Variants in GALNT13 observed in about 807,000 individuals in gnomAD.
GALNT13 encodes the protein UDP-GalNAc:polypeptide N-acetylgalactosaminyltransferase 13.
A neutral mutation model predicts 64.2 loss-of-function variants in GALNT13; 28 were observed. The observed-to-expected ratio is 0.44, with a 90% CI of 0.32 to 0.60. The LOEUF is 0.60. GALNT13 is among the 20% of genes least tolerant of loss of function. The pLI, the probability that GALNT13 is intolerant of heterozygous loss-of-function variation, is 0.05. For missense variants in GALNT13, 577 were observed against 669.8 expected (o/e 0.86, Z 1.53); for synonymous variants, 214 against 224.6 (o/e 0.95, Z 0.42).
chr2:153,399,825 C>A, the GALNT13 span, among the ~76,000 whole-genome samples: 1 of 151,944 alleles, frequency 6.6e-6, no homozygotes, highest in Non-Finnish European at 1.5e-5. Flanking sequence ...AGATTTTGGG[C>A]TGAGACAATG....
chr2:153,561,641 C>CTGTGTGTGTGTGTG, the GALNT13 span, among the ~76,000 whole-genome samples: 4,475 of 146,524 alleles, frequency 0.031, 139 homozygotes, highest in African/African-American at 0.075. Context: ...GATGTTCAAC[C>CTGTGTGTGTGTGTG]TGTGTGTGTG....
chr2:153,502,160 T>C, the GALNT13 span, among the ~76,000 whole-genome samples: 2 of 152,272 alleles, frequency 1.3e-5, no homozygotes, highest in South Asian at 4.1e-4. Context: ...TCTTTAGTGG[T>C]GATTTCTTAA....
At chr2:153,865,468 A>C in the GALNT13 span, among the ~76,000 whole-genome samples, 1 of 142,548 alleles carries the variant, frequency 7.0e-6, no homozygotes, top group Non-Finnish European at 1.5e-5. Context: ...TTACAAGAAA[A>C]AAACAAACAA....
the GALNT13 span, among the ~76,000 whole-genome samples, chr2:153,768,913 G>T: frequency 1.3e-5 from 2 of 152,138 alleles, no homozygotes; most frequent in South Asian, 4.2e-4. Flanking sequence ...TGTAAGGATG[G>T]CTACTCTGGC....
chr2:153,867,161 T>C (rs1415571541), upstream of GALNT13, among the ~76,000 whole-genome samples: 1 of 152,226 alleles, frequency 6.6e-6, no homozygotes, highest in Non-Finnish European at 1.5e-5. Flanking sequence ...TGTTATTAGC[T>C]GGAGCTATTC....
At chr2:153,399,697 G>C in the GALNT13 span, among the ~76,000 whole-genome samples, 2 of 152,008 alleles carry the variant, frequency 1.3e-5, no homozygotes, top group African/African-American at 2.4e-5. Flanking sequence ...TTGTGAATGG[G>C]AGTTCACTCA....
At position 154,306,142 on chromosome 2, in the gene GALNT13, T is replaced by TTTATTATTA. The variant is rs70983715; in HGVS notation, c.1156+4568_1156+4576dup. Among the ~76,000 whole-genome samples, 1,493 of 151,324 alleles carry TTTATTATTA rather than the reference T, an allele frequency of 9.9e-3. 20 individuals are homozygous for TTTATTATTA. Among genetic ancestry groups the TTTATTATTA allele is most frequent in the Non-Finnish European group, 0.014 (943 of 67,842 alleles). ...TGAAGGGTCTTCCTCATAAATCTCT[T>TTTATTATTA]TTATTATTATTATTATTATTATTTT... On this transcript the variant is annotated intron_variant, in intron 9 of 12. Coordinates refer to ENST00000392825, the MANE Select transcript of GALNT13 (RefSeq NM_052917.4).
the GALNT13 span, among the ~76,000 whole-genome samples, chr2:153,632,841 C>A: frequency 6.6e-6 from 1 of 152,062 alleles, no homozygotes; most frequent in Non-Finnish European, 1.5e-5. Flanking sequence ...CAACCTTCAC[C>A]TCCTGGGTTC....
chr2:153,722,628 AC>A, the GALNT13 span, among the ~76,000 whole-genome samples: 194 of 152,258 alleles, frequency 1.3e-3, 2 homozygotes, highest in Non-Finnish European at 1.3e-3. Flanking sequence ...GGATATCACC[AC>A]CGATCCCACA....
chr2:154,170,262 T>A (rs1393876492), intron 4 of GALNT13, among the ~76,000 whole-genome samples: 2 of 152,172 alleles, frequency 1.3e-5, no homozygotes, highest in African/African-American at 4.8e-5. Context: ...CTCAGTCCAC[T>A]GAGTCAAATG....
chr2:153,737,850 T>C, the GALNT13 span, among the ~76,000 whole-genome samples: 1 of 152,014 alleles, frequency 6.6e-6, no homozygotes, highest in African/African-American at 2.4e-5. Context: ...GTTCCTAGAA[T>C]AATGTCCAAG....
chr2:153,904,050 T>A (rs973308996), intron 2 of GALNT13, among the ~76,000 whole-genome samples: 1 of 152,056 alleles, frequency 6.6e-6, no homozygotes, highest in Non-Finnish European at 1.5e-5. Context: ...GCCTGATTTT[T>A]AAATTAATGT....
chr2:153,450,594 T>A, the GALNT13 span, among the ~76,000 whole-genome samples: 1 of 147,876 alleles, frequency 6.8e-6, no homozygotes, highest in African/African-American at 2.5e-5. Context: ...TTTTTTTTGG[T>A]CCACACTTTA....
chr2:154,308,479 A>G (rs1261583117), intron 9 of GALNT13, among the ~76,000 whole-genome samples: 1 of 152,146 alleles, frequency 6.6e-6, no homozygotes, highest in Non-Finnish European at 1.5e-5. Flanking sequence ...TGTGGGGCCT[A>G]ATTTCTTCTG....
intron 3 of GALNT13, among the ~76,000 whole-genome samples, chr2:153,986,651 G>C (rs1299439469): frequency 2.6e-5 from 4 of 151,842 alleles, no homozygotes; most frequent in Admixed American, 6.6e-5. Context: ...TGTCACAATA[G>C]AAGACTCTTT....
At chr2:154,272,606 A>G (rs1294012987) in intron 8 of GALNT13, among the ~76,000 whole-genome samples, 1 of 152,098 alleles carries the variant, frequency 6.6e-6, no homozygotes, top group Non-Finnish European at 1.5e-5. Context: ...AAGAATGTTA[A>G]TGTGCTCAGA....
At chr2:154,172,419 A>G (rs1012385011) in intron 4 of GALNT13, among the ~76,000 whole-genome samples, 3 of 151,918 alleles carry the variant, frequency 2.0e-5, no homozygotes, top group Admixed American at 6.6e-5. Context: ...TTTTGGACCC[A>G]TTAATCAACT....
the GALNT13 span, among the ~76,000 whole-genome samples, chr2:153,291,814 C>T: frequency 6.7e-5 from 10 of 149,228 alleles, no homozygotes; most frequent in East Asian, 4.0e-4. Context: ...TGTAAAAGTA[C>T]GAATTGTCTG....
chr2:154,403,944 G>A (rs905019966), intron 10 of GALNT13, among the ~76,000 whole-genome samples: 1 of 152,132 alleles, frequency 6.6e-6, no homozygotes, highest in African/African-American at 2.4e-5. Flanking sequence ...GTTTTTGTTT[G>A]TAAAACGGGA....
Sources: gnomAD v4.1 joint callset for allele counts (sites outside exome capture counted in the v4.1 genomes callset) on GRCh38, gnomAD v4.1.1 for gene constraint, MANE v1.5 for transcripts, NCBI Gene and HGNC (gene_info 2026-07-23, HGNC 2026-07-21) for gene names.